The following NLGN1 variants were observed in gnomAD, a reference collection of about 807,000 sequenced individuals.
NLGN1 encodes neuroligin-1.
In NLGN1, 12 loss-of-function variants were observed where a neutral mutation model predicts 65.5. The observed-to-expected ratio is 0.18, with a 90% CI of 0.12 to 0.30. The LOEUF is 0.30. Among genes scored for constraint, NLGN1 ranks in the 10% least tolerant of loss-of-function variants. The pLI is 1.00. For missense variants in NLGN1, 750 were observed against 1,007.1 expected (o/e 0.74, Z 3.46); for synonymous variants, 350 against 359.5 (o/e 0.97, Z 0.30).
chr3:174,233,482 G>A (rs933276042), intron 4 of NLGN1, among the ~76,000 whole-genome samples: 1 of 140,174 alleles, frequency 7.1e-6, no homozygotes. Flanking sequence ...GCAAAACTCT[G>A]TCTCATAATA....
intron 4 of NLGN1, among the ~76,000 whole-genome samples, chr3:174,209,745 G>T (rs1233603411): frequency 3.5e-5 from 5 of 142,560 alleles, no homozygotes; most frequent in African/African-American, 1.3e-4. Flanking sequence ...TGATTCTCCT[G>T]CCTCAGCCTC....
At chr3:174,198,433 T>C (rs1733854890) in intron 4 of NLGN1, among the ~76,000 whole-genome samples, 1 of 152,172 alleles carries the variant, frequency 6.6e-6, no homozygotes, top group African/African-American at 2.4e-5. Flanking sequence ...ATATAAATAT[T>C]TGCACAGCTT....
intron 4 of NLGN1, among the ~76,000 whole-genome samples, chr3:174,195,010 C>A (rs1226376969): frequency 6.6e-6 from 1 of 151,986 alleles, no homozygotes; most frequent in Non-Finnish European, 1.5e-5. Context: ...TACAGGCATG[C>A]ACCACTACGT....
intron 3 of NLGN1, among the ~76,000 whole-genome samples, chr3:173,776,599 G>A: frequency 6.6e-6 from 1 of 151,956 alleles, no homozygotes; most frequent in Non-Finnish European, 1.5e-5. Context: ...AATTGCCTTT[G>A]CATGTCACAT....
chr3:173,853,225 T>C (rs1727317853), intron 4 of NLGN1, among the ~76,000 whole-genome samples: 1 of 152,170 alleles, frequency 6.6e-6, no homozygotes, highest in Non-Finnish European at 1.5e-5. Flanking sequence ...TTTTATAAGG[T>C]TGGCAGGTAG....
chr3:173,753,944 A>AATAATATAATATAATATAATATAAT (rs151125850), intron 3 of NLGN1, among the ~76,000 whole-genome samples: 4,359 of 116,636 alleles, frequency 0.037, 135 homozygotes, highest in African/African-American at 0.074. Context: ...ATAATATAAT[A>AATAATATAATATAATATAATATAAT]ATAATATAAT....
At chr3:173,451,922 G>T (rs1281857315) in intron 2 of NLGN1, among the ~76,000 whole-genome samples, 1 of 152,186 alleles carries the variant, frequency 6.6e-6, no homozygotes, top group Non-Finnish European at 1.5e-5. Context: ...GCAGTATTAG[G>T]GTGGGAGTGA....
Position 173,818,778 on chromosome 3 carries a change from T to TGTTG in NLGN1, c.646+10946_646+10947insGTTG, listed in dbSNP as rs1290339098. 3.3e-5 allele frequency among the ~76,000 whole-genome samples: 5 copies of TGTTG among 152,158 alleles called. No individual in the cohort carries two copies. The East Asian group carries it at 9.6e-4, about 29-fold the overall frequency. On this transcript the variant is annotated intron_variant, in intron 4 of 6. Coordinates refer to ENST00000457714, the Ensembl canonical transcript of NLGN1. ...AATAAATTAGCTGCATTACTGACTTTTTAACAACAAAGATATGGGTCTTTT... is the reference window on the plus strand; with the variant it reads ...AATAAATTAGCTGCATTACTGACTTTGTTGTTAACAACAAAGATATGGGTCTTTT...
At chr3:173,834,525 A>T (rs1249767890) in intron 4 of NLGN1, among the ~76,000 whole-genome samples, 1 of 152,104 alleles carries the variant, frequency 6.6e-6, no homozygotes, top group Non-Finnish European at 1.5e-5. Flanking sequence ...GGTTAAGTGA[A>T]TTTTCCCATT....
chr3:174,146,497 A>G (rs1046075588), intron 4 of NLGN1, among the ~76,000 whole-genome samples: 1 of 152,186 alleles, frequency 6.6e-6, no homozygotes, highest in Non-Finnish European at 1.5e-5. Flanking sequence ...TTTTAATTTT[A>G]AAGAAAAGCA....
intron 4 of NLGN1, among the ~76,000 whole-genome samples, chr3:174,174,348 T>C (rs965675255): frequency 1.2e-4 from 19 of 152,188 alleles, no homozygotes; most frequent in Admixed American, 1.0e-3. Context: ...AGTAGTGGGA[T>C]TGCTGGATCA....
Position 173,538,412 on chromosome 3 carries a change from A to G in NLGN1, c.-320-65867A>G, listed in dbSNP as rs372540096. On this transcript the variant is annotated intron_variant, in intron 2 of 6. Transcript: ENST00000457714. ...GAAGTGAGTTCCTTGAGCAGGGACA[A>G]TGCTGTATGGAATATCATAACAGTG... 1.1e-4 allele frequency among the ~76,000 whole-genome samples: 17 copies of G among 152,372 alleles called. 1 individual carries two copies. The highest frequency in any genetic ancestry group is 2.0e-4 in the Admixed American group (3 of 15,296).
At chr3:173,938,516 T>C (rs1745428724) in intron 4 of NLGN1, among the ~76,000 whole-genome samples, 2 of 152,174 alleles carry the variant, frequency 1.3e-5, no homozygotes, top group African/African-American at 4.8e-5. Flanking sequence ...CACTGAGATT[T>C]TGGAGTTCTT....
chr3:173,805,853 A>G (rs1288763779), intron 3 of NLGN1, among the ~76,000 whole-genome samples: 3 of 152,212 alleles, frequency 2.0e-5, no homozygotes, highest in African/African-American at 7.2e-5. Flanking sequence ...TAAGGTGCAC[A>G]GTTTAACAAT....
chr3:173,866,131 G>A (rs528530699), intron 4 of NLGN1, among the ~76,000 whole-genome samples: 1 of 152,128 alleles, frequency 6.6e-6, no homozygotes. Context: ...CTGTAGTTTG[G>A]GAGGATGTGG....
intron 4 of NLGN1, among the ~76,000 whole-genome samples, chr3:173,928,701 T>C (rs1743483950): frequency 6.9e-6 from 1 of 145,576 alleles, no homozygotes; most frequent in Non-Finnish European, 1.5e-5. Flanking sequence ...TGAGATAGAG[T>C]CTCTCTGTTG....
chr3:173,719,448 G>A (rs920588959), intron 3 of NLGN1, among the ~76,000 whole-genome samples: 6 of 151,962 alleles, frequency 3.9e-5, no homozygotes, highest in Admixed American at 2.6e-4. Context: ...ATTTAGTTAC[G>A]CACAAACTAA....
intron 4 of NLGN1, among the ~76,000 whole-genome samples, chr3:173,813,338 G>T (rs74993875): frequency 0.03 from 4,581 of 152,186 alleles, 184 homozygotes; most frequent in East Asian, 0.17. Flanking sequence ...CTTCAAGTGG[G>T]ATCATATATT....
At chr3:173,690,610 A>G (rs1010742873) in intron 3 of NLGN1, among the ~76,000 whole-genome samples, 1 of 152,182 alleles carries the variant, frequency 6.6e-6, no homozygotes, top group African/African-American at 2.4e-5. Context: ...ATGTAATGAA[A>G]GTCCATGATG....
Sources: gnomAD v4.1 joint callset for allele counts (sites outside exome capture counted in the v4.1 genomes callset) on GRCh38, gnomAD v4.1.1 for gene constraint, MANE v1.5 for transcripts, NCBI Gene and HGNC (gene_info 2026-07-23, HGNC 2026-07-21) for gene names.